The following SGK3 variants were observed in gnomAD, a reference collection of about 807,000 sequenced individuals.
SGK3 encodes the protein serine/threonine-protein kinase Sgk3.
Under a neutral mutation model 68.5 loss-of-function variants are expected in SGK3, and 47 were observed. The observed-to-expected ratio is 0.69, with a 90% confidence interval of 0.54 to 0.87. The LOEUF is 0.87. SGK3 is among the 40% of genes least tolerant of loss of function. The pLI is 0.00. For synonymous variants in SGK3, 181 were observed against 189.1 expected (o/e 0.96, Z 0.35); for missense variants, 479 against 575.5 (o/e 0.83, Z 1.72).
At chr8:66,744,144 G>A (rs1217155142) in intron 1 of SGK3, among the ~76,000 whole-genome samples, 1 of 152,102 alleles carries the variant, frequency 6.6e-6, no homozygotes, top group East Asian at 1.9e-4. Flanking sequence ...CTATTTGAAA[G>A]TATCTGTAGT....
In SGK3 at chr8:66,755,104, C is replaced by G. The variant is rs186386022; in HGVS notation, c.-121-38512C>G. ...TGAAACCTCGTCTCTACTAAAAATA[C>G]AAAAATTAGCTGGGTGTGGTGCAGC... is the stretch of plus-strand genomic sequence containing the variant. On this transcript the variant is annotated intron_variant, in intron 1 of 16. Transcript: ENST00000521198. Among the ~76,000 whole-genome samples the G allele has an allele frequency of 3.2e-4, 48 of 152,064 alleles. 1 individual carries two copies. The highest frequency in any genetic ancestry group is 3.1e-3 in the Admixed American group (48 of 15,248).
intron 1 of SGK3, among the ~76,000 whole-genome samples, chr8:66,761,598 G>A (rs62512657): frequency 0.033 from 4,991 of 152,106 alleles, 123 homozygotes; most frequent in Middle Eastern, 0.1. Flanking sequence ...GCAAAACCCC[G>A]TCTCTACTAA....
chr8:66,719,938 T>C (rs188331105), intron 1 of SGK3, among the ~76,000 whole-genome samples: 2 of 152,352 alleles, frequency 1.3e-5, no homozygotes, highest in Non-Finnish European at 2.9e-5. Context: ...AATGCCATTT[T>C]TAAAAGTTTC....
chr8:66,851,486 A>C (rs1455727559), intron 16 of SGK3, among the ~76,000 whole-genome samples: 1 of 151,972 alleles, frequency 6.6e-6, no homozygotes, highest in Non-Finnish European at 1.5e-5. Flanking sequence ...GCACCACTGC[A>C]CTCCAGCCTG....
intron 1 of SGK3, among the ~76,000 whole-genome samples, chr8:66,779,561 A>AATATAGAT (rs1491522305): frequency 2.2e-5 from 2 of 89,386 alleles, no homozygotes; most frequent in Non-Finnish European, 2.1e-5. Flanking sequence ...TATGTGTGTG[A>AATATAGAT]ATATATATAT....
intron 1 of SGK3, among the ~76,000 whole-genome samples, chr8:66,778,762 T>A (rs1806830177): frequency 6.6e-6 from 1 of 152,204 alleles, no homozygotes; most frequent in South Asian, 2.1e-4. Context: ...CACTGAGGTC[T>A]GGATTTATAG....
chr8:66,834,058 A>G (rs767509418), intron 8 of SGK3, among the ~76,000 whole-genome samples: 2 of 152,222 alleles, frequency 1.3e-5, no homozygotes, highest in Admixed American at 6.5e-5. Context: ...TGCGTTACCT[A>G]TGACACATTG....
At chr8:66,722,523 T>C (rs1036023070) in intron 1 of SGK3, among the ~76,000 whole-genome samples, 1 of 152,178 alleles carries the variant, frequency 6.6e-6, no homozygotes, top group Non-Finnish European at 1.5e-5. Flanking sequence ...CCGCCCACCT[T>C]GGCCTCCCAA....
chr8:66,797,173 G>A (rs1260643783), intron 2 of SGK3, among the ~76,000 whole-genome samples: 1 of 152,144 alleles, frequency 6.6e-6, no homozygotes, highest in African/African-American at 2.4e-5. Context: ...GCCAGGGGAG[G>A]CCACCTGAAC....
At chr8:66,826,121 C>T (rs992508034) in intron 6 of SGK3, among the ~76,000 whole-genome samples, 1 of 152,000 alleles carries the variant, frequency 6.6e-6, no homozygotes, top group South Asian at 2.1e-4. Flanking sequence ...TACAGGCGCA[C>T]GCCACCACGC....
chr8:66,821,332 A>T (rs925807901), intron 5 of SGK3, among the ~76,000 whole-genome samples: 1 of 152,108 alleles, frequency 6.6e-6, no homozygotes, highest in Non-Finnish European at 1.5e-5. Flanking sequence ...ATATATATAT[A>T]TAAAAATGAT....
chr8:66,765,795 G>A (rs1169122452), intron 1 of SGK3, among the ~76,000 whole-genome samples: 1 of 152,074 alleles, frequency 6.6e-6, no homozygotes, highest in African/African-American at 2.4e-5. Context: ...AGGCCGAGGT[G>A]GGTGGATCAC....
At chr8:66,754,561 C>T (rs1412734615) in intron 1 of SGK3, among the ~76,000 whole-genome samples, 1 of 152,202 alleles carries the variant, frequency 6.6e-6, no homozygotes, top group Non-Finnish European at 1.5e-5. Context: ...GATGAGATCT[C>T]TTGGGGATAC....
At chr8:66,746,571 A>T (rs1383346996) in intron 1 of SGK3, among the ~76,000 whole-genome samples, 2 of 151,458 alleles carry the variant, frequency 1.3e-5, no homozygotes, top group East Asian at 1.9e-4. Flanking sequence ...TTTTTTTTTT[A>T]AAGGCAAAAT....
At position 66,847,355 on chromosome 8, in the gene SGK3, A is replaced by C. The variant is rs745481085; in HGVS notation, c.1230+7A>C. 30 of 1,610,000 alleles carry C rather than the reference A, an allele frequency of 1.9e-5. No homozygotes were observed. Among genetic ancestry groups the C allele is most frequent in the Non-Finnish European group, 2.5e-5 (30 of 1,178,994 alleles). ...TGGTGCCAAGGAAGACTTTGTATGT[A>C]ACAGCTTTTCTAGCTCCAGCTTTAT... is the stretch of plus-strand genomic sequence containing the variant. On this transcript the variant is annotated splice_region_variant and intron_variant, in intron 15 of 16. Transcript: ENST00000521198.
At chr8:66,847,054 C>T in intron 14 of SGK3, 139 bp from the exon 15 acceptor site, 1 of 1,209,626 alleles carries the variant, frequency 8.3e-7, no homozygotes, top group East Asian at 2.4e-5. Flanking sequence ...TTCAGGAAGC[C>T]ACACTGCAGG....
chr8:66,852,981 A>G (rs1810354997), intron 16 of SGK3, among the ~76,000 whole-genome samples: 1 of 152,244 alleles, frequency 6.6e-6, no homozygotes, highest in South Asian at 2.1e-4. Flanking sequence ...TCAGACTCAG[A>G]TAGCTCCAGC....
intron 1 of SGK3, chr8:66,767,664 T>C: frequency 7.2e-7 from 1 of 1,395,740 alleles, no homozygotes; most frequent in Non-Finnish European, 1.0e-6. Context: ...ATAATTTTTC[T>C]ATTTCTGGAT....
intron 4 of SGK3, among the ~76,000 whole-genome samples, chr8:66,805,062 G>T (rs1051153733): frequency 6.6e-6 from 1 of 152,154 alleles, no homozygotes; most frequent in South Asian, 2.1e-4. Flanking sequence ...CTGGGTGACA[G>T]AGCGAGACCC....
Sources: allele counts gnomAD v4.1 joint callset (sites outside exome capture counted in the v4.1 genomes callset), GRCh38; gene constraint gnomAD v4.1.1; transcripts MANE v1.5; gene names NCBI Gene and HGNC (gene_info 2026-07-23, HGNC 2026-07-21).